Variants in PRKCA observed in about 807,000 individuals in gnomAD.
The protein encoded by PRKCA is protein kinase C alpha, also known as protein kinase C alpha type.
PRKCA carries 27 observed loss-of-function variants against 87.0 expected under a neutral mutation model. The ratio of observed to expected loss-of-function variants is 0.31; its 90% confidence interval spans 0.23 to 0.43. The LOEUF (loss-of-function observed/expected upper bound fraction) is 0.43, where lower values mean the gene tolerates loss of function less well. PRKCA is among the 20% of genes least tolerant of loss of function. The probability of loss-of-function intolerance (pLI) is 1.00; values close to 1 mark genes in which losing one functional copy is unlikely to be tolerated. For synonymous variants in PRKCA, 329 were observed against 311.1 expected, an observed-to-expected ratio of 1.06 and a Z score of -0.61; for missense variants, 518 against 852.3, an observed-to-expected ratio of 0.61 and a Z score of 4.88.
At chr17:66,329,977 C>G (rs1274846694) in intron 2 of PRKCA, among the ~76,000 whole-genome samples, 1 of 152,038 alleles carries the variant, frequency 6.6e-6, no homozygotes, top group Non-Finnish European at 1.5e-5. Context: ...CTTTGTTCTT[C>G]CTTTTATTTT....
chr17:66,390,725 G>A (rs1462330615), intron 2 of PRKCA, among the ~76,000 whole-genome samples: 1 of 152,184 alleles, frequency 6.6e-6, no homozygotes, highest in Non-Finnish European at 1.5e-5. Flanking sequence ...GGGACTTCAT[G>A]GGCCTCTCCA....
rs1970807648 is a variant in PRKCA, at chr17:66,624,934, T to C, written c.289-16421T>C. On this transcript the variant is annotated intron_variant, in intron 3 of 16. Coordinates refer to ENST00000413366, the MANE Select transcript of PRKCA (RefSeq NM_002737.3). ...CCACATTTCAAAGGCTCAGTAGTCA[T>C]AGAAAGCTAATGGTTACTATATTGA... Among the ~76,000 whole-genome samples, 3 of 152,326 alleles carry C rather than the reference T, an allele frequency of 2.0e-5. No homozygotes were observed. In the South Asian group the frequency reaches 6.2e-4, roughly 32 times the overall value.
chr17:66,574,807 T>G (rs1385144884), intron 3 of PRKCA, among the ~76,000 whole-genome samples: 1 of 152,120 alleles, frequency 6.6e-6, no homozygotes, highest in African/African-American at 2.4e-5. Flanking sequence ...ACTATGTTTC[T>G]TATGCATTAA....
intron 2 of PRKCA, among the ~76,000 whole-genome samples, chr17:66,442,811 G>T (rs151232319): frequency 0.014 from 2,161 of 152,124 alleles, 31 homozygotes; most frequent in Non-Finnish European, 0.023. Flanking sequence ...TCCATTTTTT[G>T]CCTTTTCTTA....
chr17:66,655,050 G>A (rs945228035), intron 5 of PRKCA, among the ~76,000 whole-genome samples: 1 of 152,198 alleles, frequency 6.6e-6, no homozygotes, highest in African/African-American at 2.4e-5. Context: ...GCAGTCACCT[G>A]CCTTGAGTTC....
rs951869760 is a variant in PRKCA at position 66,809,182 on chromosome 17, A to G, written c.*5145A>G. On this transcript the variant is annotated 3_prime_UTR_variant, in exon 17 of 17. Coordinates refer to ENST00000413366, the MANE Select transcript of PRKCA (RefSeq NM_002737.3). The stretch of plus-strand genomic sequence containing the variant: ...ATTGGGAAGGTTACCTGACGCACAC[A>G]TGGATGAAGGCCATCATCTAGAAAT... 6 of 152,268 alleles carry G rather than the reference A, an allele frequency of 3.9e-5. No individual in the cohort carries two copies. The highest frequency in any genetic ancestry group is 3.3e-4 in the Admixed American group (5 of 15,282). 9.4% of individuals were successfully genotyped at this position (152,268 alleles called of 1,614,324 possible).
intron 2 of PRKCA, among the ~76,000 whole-genome samples, chr17:66,307,711 C>T (rs924046821): frequency 3.9e-5 from 6 of 152,080 alleles, no homozygotes; most frequent in Non-Finnish European, 8.8e-5. Flanking sequence ...TGCATGATTT[C>T]CCCCAGAGCA....
intron 3 of PRKCA, among the ~76,000 whole-genome samples, chr17:66,570,433 A>C (rs960572629): frequency 5.3e-5 from 8 of 152,230 alleles, no homozygotes; most frequent in African/African-American, 1.9e-4. Context: ...TGATAGATCA[A>C]CAGAAAAAAT....
chr17:66,515,733 TGG>T (rs1598734916), intron 3 of PRKCA, among the ~76,000 whole-genome samples: 1 of 152,112 alleles, frequency 6.6e-6, no homozygotes, highest in Admixed American at 6.6e-5. Flanking sequence ...TTAGTAGAGA[TGG>T]GGCCTCGCTA....
chr17:66,612,912 A>AT lies in PRKCA; in HGVS notation c.289-28442dup, dbSNP rs376970535. Among the ~76,000 whole-genome samples the AT allele has an allele frequency of 6.3e-4, 96 of 152,316 alleles. 1 individual carries two copies. The highest frequency in any genetic ancestry group is 2.3e-3 in the African/African-American group (95 of 41,578). On this transcript the variant is annotated intron_variant, in intron 3 of 16. Coordinates refer to ENST00000413366, the MANE Select transcript of PRKCA (RefSeq NM_002737.3). ...TTCTCCATCACAGATTTGTCAAACT[A>AT]TAGAGTATGTATAAAGTCATGTTTA...
intron 2 of PRKCA, among the ~76,000 whole-genome samples, chr17:66,398,595 G>A (rs765155659): frequency 9.2e-5 from 14 of 152,156 alleles, no homozygotes; most frequent in Non-Finnish European, 2.1e-4. Flanking sequence ...TGTGAGGAGT[G>A]TGGTTTAATC....
chr17:66,667,339 G>A (rs1359421158), intron 5 of PRKCA, among the ~76,000 whole-genome samples: 1 of 152,164 alleles, frequency 6.6e-6, no homozygotes, highest in Non-Finnish European at 1.5e-5. Context: ...ACCTGAGACT[G>A]GGTAATTTAT....
intron 3 of PRKCA, among the ~76,000 whole-genome samples, chr17:66,611,891 G>A (rs190139): frequency 0.17 from 25,915 of 151,986 alleles, 2,267 homozygotes; most frequent in South Asian, 0.28. Context: ...CCTCATTGTG[G>A]TTTTGATTTG....
intron 3 of PRKCA, among the ~76,000 whole-genome samples, chr17:66,500,868 C>T (rs538951393): frequency 6.6e-6 from 1 of 152,030 alleles, no homozygotes; most frequent in South Asian, 2.1e-4. Context: ...GTGAGGAAGA[C>T]CAGTGAAAAG....
At chr17:66,616,185 C>T (rs1970513116) in intron 3 of PRKCA, among the ~76,000 whole-genome samples, 1 of 152,160 alleles carries the variant, frequency 6.6e-6, no homozygotes, top group Admixed American at 6.5e-5. Flanking sequence ...AATGCCAGTT[C>T]TAGGAAGAAT....
At chr17:66,350,589 C>T (rs184488095) in intron 2 of PRKCA, among the ~76,000 whole-genome samples, 45 of 152,274 alleles carry the variant, frequency 3.0e-4, no homozygotes, top group Middle Eastern at 3.4e-3. Context: ...GTGGCACCGT[C>T]GTGGCTCACT....
At chr17:66,470,190 C>CTTT (rs546468555) in intron 2 of PRKCA, among the ~76,000 whole-genome samples, 2 of 101,458 alleles carry the variant, frequency 2.0e-5, no homozygotes, top group South Asian at 7.9e-4. Flanking sequence ...AACCAGTTTG[C>CTTT]TTTTTTTTTT....
chr17:66,739,220 G>A (rs923320410), intron 11 of PRKCA, among the ~76,000 whole-genome samples: 1 of 152,198 alleles, frequency 6.6e-6, no homozygotes, highest in Non-Finnish European at 1.5e-5. Context: ...AAATGGGAAA[G>A]TGGGATTCTG....
At chr17:66,777,979 G>C (rs976425065) in intron 14 of PRKCA, 2 of 985,258 alleles carry the variant, frequency 2.0e-6, no homozygotes, top group Non-Finnish European at 1.2e-6. Context: ...TCCCCTTTGG[G>C]GGGTGCATTT....
Sources: allele counts gnomAD v4.1 joint callset (sites outside exome capture counted in the v4.1 genomes callset), GRCh38; gene constraint gnomAD v4.1.1; transcripts MANE v1.5; gene names NCBI Gene and HGNC (gene_info 2026-07-23, HGNC 2026-07-21).